Variants in TMEM108 observed in about 807,000 individuals in gnomAD.
TMEM108 encodes transmembrane protein 108.
Under a neutral mutation model 35.1 loss-of-function variants are expected in TMEM108, and 12 were observed. That is an observed-to-expected ratio of 0.34 (90% CI 0.22 to 0.55). TMEM108 has a LOEUF of 0.55. TMEM108 is among the 20% of genes least tolerant of loss of function. The pLI is 0.89. For missense variants in TMEM108, 680 were observed against 753.3 expected (o/e 0.90, Z 1.14); for synonymous variants, 287 against 308.6 (o/e 0.93, Z 0.73).
intron 3 of TMEM108, among the ~76,000 whole-genome samples, chr3:133,287,991 G>T (rs1947008935): frequency 6.6e-6 from 1 of 152,158 alleles, no homozygotes; most frequent in African/African-American, 2.4e-5. Context: ...CAGCATGATG[G>T]ACCTGGAGAT....
At chr3:133,327,105 G>A (rs932873918) in intron 3 of TMEM108, among the ~76,000 whole-genome samples, 7 of 152,102 alleles carry the variant, frequency 4.6e-5, no homozygotes, top group African/African-American at 1.7e-4. Flanking sequence ...CACAAGAAGG[G>A]TGCCTTTGTG....
intron 5 of TMEM108, among the ~76,000 whole-genome samples, chr3:133,394,831 C>T (rs79839070): frequency 0.071 from 5,311 of 75,074 alleles, 113 homozygotes; most frequent in Non-Finnish European, 0.12. Flanking sequence ...GTAAGTACTC[C>T]TCAGAAAGTA....
intron 2 of TMEM108, among the ~76,000 whole-genome samples, chr3:133,068,518 A>G (rs921408676): frequency 6.6e-6 from 1 of 152,142 alleles, no homozygotes; most frequent in African/African-American, 2.4e-5. Flanking sequence ...CCTCCTAGTC[A>G]GGGTAAGGAG....
chr3:133,220,965 AC>A (rs770471157), intron 2 of TMEM108, among the ~76,000 whole-genome samples: 4 of 152,342 alleles, frequency 2.6e-5, no homozygotes, highest in East Asian at 1.9e-4. Context: ...AATAAAGGAT[AC>A]AGGTGAACAG....
intron 3 of TMEM108, among the ~76,000 whole-genome samples, chr3:133,245,403 C>A (rs1254134962): frequency 6.6e-6 from 1 of 152,164 alleles, no homozygotes; most frequent in Non-Finnish European, 1.5e-5. Context: ...GTTGTTTGTC[C>A]CAGCCTGGCA....
In TMEM108 at chr3:133,165,711, G is replaced by A. The variant is rs931335805; in HGVS notation, c.-46-63555G>A. Reference sequence around the variant, plus strand: ...CTGCCTCTGACCAAGACCCACTTCGGAGGAGGTGCGTTTGGGATAGGAGCT... The same window carrying A: ...CTGCCTCTGACCAAGACCCACTTCGAAGGAGGTGCGTTTGGGATAGGAGCT... On this transcript the variant is annotated intron_variant, in intron 2 of 5. Transcript: ENST00000321871. Among the ~76,000 whole-genome samples the A allele has an allele frequency of 2.6e-5, 4 of 152,332 alleles. No individual in the cohort carries two copies. In the East Asian group the frequency reaches 7.7e-4, roughly 29 times the overall value.
intron 3 of TMEM108, among the ~76,000 whole-genome samples, chr3:133,241,655 G>A (rs1035161345): frequency 6.4e-5 from 4 of 62,574 alleles, no homozygotes; most frequent in Admixed American, 4.9e-4. Flanking sequence ...CGCTCTTTTT[G>A]TCCAGGCTGG....
At chr3:133,097,885 T>C (rs183331959) in intron 2 of TMEM108, among the ~76,000 whole-genome samples, 4 of 152,330 alleles carry the variant, frequency 2.6e-5, no homozygotes, top group Admixed American at 2.0e-4. Context: ...TAGGAAAATT[T>C]GCTTTAGGTT....
chr3:133,145,077 T>C (rs1944697821), intron 2 of TMEM108, among the ~76,000 whole-genome samples: 2 of 152,236 alleles, frequency 1.3e-5, no homozygotes, highest in South Asian at 2.1e-4. Flanking sequence ...GGTTTTCTTA[T>C]AGGGTTTTTA....
chr3:133,331,883 T>C (rs2071397500), intron 3 of TMEM108, among the ~76,000 whole-genome samples: 1 of 152,214 alleles, frequency 6.6e-6, no homozygotes, highest in South Asian at 2.1e-4. Context: ...AGTTCAATTT[T>C]CTGGCTACAG....
At chr3:133,376,951 G>T (rs978160007) in intron 3 of TMEM108, among the ~76,000 whole-genome samples, 1 of 152,112 alleles carries the variant, frequency 6.6e-6, no homozygotes, top group African/African-American at 2.4e-5. Context: ...AATTCAAGGC[G>T]CCAATAGGGT....
chr3:133,298,783 C>T (rs575815774), intron 3 of TMEM108, among the ~76,000 whole-genome samples: 6 of 152,142 alleles, frequency 3.9e-5, no homozygotes, highest in Admixed American at 6.6e-5. Context: ...CTCAGCTGTG[C>T]TCATAACCAC....
intron 3 of TMEM108, among the ~76,000 whole-genome samples, chr3:133,375,102 T>C (rs2072795937): frequency 6.6e-6 from 1 of 152,208 alleles, no homozygotes; most frequent in African/African-American, 2.4e-5. Context: ...ATTAAATATG[T>C]CAGTACAGGC....
intron 1 of TMEM108, among the ~76,000 whole-genome samples, chr3:133,042,249 AG>A (rs1943284834): frequency 6.6e-6 from 1 of 152,182 alleles, no homozygotes; most frequent in Non-Finnish European, 1.5e-5. Flanking sequence ...CAATTACCCC[AG>A]TCACCTGCTG....
At chr3:133,280,708 C>A (rs2107688307) in intron 3 of TMEM108, among the ~76,000 whole-genome samples, 1 of 152,296 alleles carries the variant, frequency 6.6e-6, no homozygotes, top group Non-Finnish European at 1.5e-5. Flanking sequence ...TACAAGCCAG[C>A]AACCTGGACC....
chr3:133,180,915 C>G (rs1945327739), intron 2 of TMEM108, among the ~76,000 whole-genome samples: 2 of 147,200 alleles, frequency 1.4e-5, no homozygotes, highest in Non-Finnish European at 1.5e-5. Context: ...TTAACACAAA[C>G]TTCACTCTTA....
chr3:133,343,185 A>G (rs2071716007), intron 3 of TMEM108, among the ~76,000 whole-genome samples: 1 of 151,906 alleles, frequency 6.6e-6, no homozygotes, highest in Admixed American at 6.6e-5. Flanking sequence ...CTGCAGCACA[A>G]CTGTTAGAAT....
chr3:133,129,394 T>C (rs1002524900), intron 2 of TMEM108, among the ~76,000 whole-genome samples: 6 of 144,916 alleles, frequency 4.1e-5, no homozygotes, highest in Non-Finnish European at 9.1e-5. Flanking sequence ...ATTAGTTCTT[T>C]GCTGGTGAAA....
At chr3:133,200,510 C>G (rs963049228) in intron 2 of TMEM108, among the ~76,000 whole-genome samples, 6 of 152,080 alleles carry the variant, frequency 3.9e-5, no homozygotes, top group Non-Finnish European at 5.9e-5. Flanking sequence ...CCACTTTGTC[C>G]CTGGTCGGAG....
Sources: allele counts gnomAD v4.1 joint callset (sites outside exome capture counted in the v4.1 genomes callset), GRCh38; gene constraint gnomAD v4.1.1; transcripts MANE v1.5; gene names NCBI Gene and HGNC (gene_info 2026-07-23, HGNC 2026-07-21).